Variants in RICTOR observed in about 807,000 individuals in gnomAD.
RICTOR encodes the protein rapamycin-insensitive companion of mTOR.
A neutral mutation model predicts 214.9 loss-of-function variants in RICTOR; 49 were observed. That is an observed-to-expected ratio of 0.23 (90% CI 0.18 to 0.29). The LOEUF is 0.29. Among genes scored for constraint, RICTOR ranks in the 10% least tolerant of loss-of-function variants. RICTOR has a pLI of 1.00. For synonymous variants in RICTOR, 717 were observed against 711.3 expected, an observed-to-expected ratio of 1.01 and a Z score of -0.13; for missense variants, 1,625 against 2,047.0, an observed-to-expected ratio of 0.79 and a Z score of 3.98.
chr5:39,006,172 T>G (rs1233445499), intron 3 of RICTOR, among the ~76,000 whole-genome samples: 1 of 152,232 alleles, frequency 6.6e-6, no homozygotes, highest in African/African-American at 2.4e-5. Context: ...GAAAAAGTTG[T>G]TGAAGCAGCT....
At position 38,953,013 on chromosome 5, in the gene RICTOR, T is replaced by C. The variant is rs1390878115; in HGVS notation, c.2869A>G (p.Lys957Glu). ...NVIPDILKLA[K>E]QCEVLSIRGT... Reference sequence around the variant, plus strand: ...CTGATGGAAAGAACTTCACACTGTTTTGCAAGTTTTAGTATATCTGGAATC... The same window carrying C: ...CTGATGGAAAGAACTTCACACTGTTCTGCAAGTTTTAGTATATCTGGAATC... The change falls in exon 29 of 38, where the codon AAA (lysine) becomes GAA (glutamate). Residue 957 changes from lysine to glutamate, a missense_variant. Transcript: ENST00000357387. 6.2e-7 allele frequency: 1 copy of C among 1,609,318 alleles called. No individual in the cohort carries two copies. The highest frequency in any genetic ancestry group is 1.7e-5 in the Admixed American group (1 of 59,886).
Position 38,942,986 on chromosome 5 carries a change from T to G in RICTOR, c.4914-15A>C. 1 of 1,577,314 alleles carries G rather than the reference T, an allele frequency of 6.3e-7. No individual in the cohort carries two copies. Among genetic ancestry groups the G allele is most frequent in the South Asian group, 1.1e-5 (1 of 90,194 alleles). ...TCTCCTTAATTCTAAAATAAAAGAT[T>G]ATGGTGTGATGAAAACTGTAATCAT... On this transcript the variant is annotated splice_polypyrimidine_tract_variant and intron_variant, in intron 36 of 37. Transcript: ENST00000357387.
At chr5:38,983,664 T>C (rs1751909525) in intron 7 of RICTOR, among the ~76,000 whole-genome samples, 1 of 152,134 alleles carries the variant, frequency 6.6e-6, no homozygotes, top group Admixed American at 6.6e-5. Context: ...AGTTACATAA[T>C]AAGAAATTTG....
In RICTOR at chr5:39,021,118, CTTAAG is replaced by C; in HGVS notation, c.111_115del (p.Asn37LysfsTer24). The C allele has an allele frequency of 1.3e-6, 2 of 1,584,830 alleles. No individual in the cohort carries two copies. Among genetic ancestry groups the C allele is most frequent in the Non-Finnish European group, 1.7e-6 (2 of 1,153,504 alleles). ...TCTGGCCACATTTTGGAGAATCTCT[CTTAAG>C]TTATCAGAAGGTTCTAGAAGGAAAG... On this transcript the variant is annotated frameshift_variant, in exon 3 of 38. Coordinates refer to ENST00000357387, the MANE Select transcript of RICTOR (RefSeq NM_152756.5). LOFTEE classifies it high-confidence loss of function.
chr5:38,998,011 A>C (rs1221151815), intron 5 of RICTOR, among the ~76,000 whole-genome samples: 2 of 152,256 alleles, frequency 1.3e-5, no homozygotes, highest in Admixed American at 6.5e-5. Context: ...AAACAAAGGA[A>C]CAGAGTATAG....
chr5:39,025,764 C>T (rs574604576), intron 2 of RICTOR, among the ~76,000 whole-genome samples: 36 of 152,290 alleles, frequency 2.4e-4, no homozygotes, highest in African/African-American at 8.4e-4. Flanking sequence ...GGGCTTCACC[C>T]TTATGACCTA....
At position 38,967,371 on chromosome 5, in the gene RICTOR, C is replaced by A. The variant is rs1467602741; in HGVS notation, c.1117G>T (p.Ala373Ser). ...RLSDGFVAAE[A>S]KTILPHRARS... Reference sequence around the variant, plus strand: ...GCACGATGAGGAAGAATAGTTTTTGCCTCAGCTGCCACAAAGCCATCTGAA... The same window carrying A: ...GCACGATGAGGAAGAATAGTTTTTGACTCAGCTGCCACAAAGCCATCTGAA... Residue 373 changes from alanine to serine, a missense_variant, in exon 13 of 38, where the codon GCA (alanine) becomes TCA (serine). By Grantham distance (99) the Ala-to-Ser change is moderately conservative. Transcript: ENST00000357387. 1 of 1,613,868 alleles carries A rather than the reference C, an allele frequency of 6.2e-7. No homozygotes were observed. Among genetic ancestry groups the A allele is most frequent in the Non-Finnish European group, 8.5e-7 (1 of 1,179,892 alleles).
chr5:38,996,754 C>A, intron 6 of RICTOR, 65 bp downstream of exon 6: 1 of 967,484 alleles, frequency 1.0e-6, no homozygotes, highest in Non-Finnish European at 1.6e-6. Flanking sequence ...AAAGTCTAAT[C>A]TAAAAATGTA....
At chr5:39,071,256 T>G (rs1443908759) in intron 2 of RICTOR, among the ~76,000 whole-genome samples, 4 of 152,236 alleles carry the variant, frequency 2.6e-5, no homozygotes, top group South Asian at 2.1e-4. Flanking sequence ...TAGACTTAAT[T>G]TATTGGTAAT....
chr5:39,014,807 T>C (rs746313368), intron 3 of RICTOR, among the ~76,000 whole-genome samples: 2 of 152,204 alleles, frequency 1.3e-5, no homozygotes, highest in Non-Finnish European at 2.9e-5. Flanking sequence ...TCCGTTTCTT[T>C]ATACCTTAAA....
chr5:39,019,537 A>G (rs1178323355), intron 3 of RICTOR, among the ~76,000 whole-genome samples: 3 of 152,214 alleles, frequency 2.0e-5, no homozygotes, highest in African/African-American at 7.2e-5. Context: ...ATGACAGCAC[A>G]TCTGTTTACA....
At chr5:38,976,098 TCTTC>T (rs1439369243) in intron 9 of RICTOR, among the ~76,000 whole-genome samples, 5 of 152,350 alleles carry the variant, frequency 3.3e-5, no homozygotes, top group East Asian at 1.9e-4. Context: ...CCAGCTACTT[TCTTC>T]CTTGACAATT....
rs2112854782 is a variant in RICTOR, at chr5:38,950,353, C to A, written c.3495G>T (p.Gly1165=). Residue 1165 remains glycine (G), a synonymous_variant, in exon 31 of 38, where the codon GGG becomes GGT. Transcript: ENST00000357387. The part of the protein sequence containing the change: ...KTLQLETSFM[G]NKHIEDTGST... Reference sequence around the variant, plus strand: ...TACCAGTGTCTTCAATGTGCTTATTCCCCATAAATGAAGTCTCTAATTGTA... The same window carrying A: ...TACCAGTGTCTTCAATGTGCTTATTACCCATAAATGAAGTCTCTAATTGTA... 1.2e-6 allele frequency: 2 copies of A among 1,613,216 alleles called. No homozygotes were observed. Among genetic ancestry groups the A allele is most frequent in the Non-Finnish European group, 1.7e-6 (2 of 1,179,460 alleles).
Position 38,966,705 on chromosome 5 carries a change from A to G in RICTOR, c.1235T>C (p.Ile412Thr). The change falls in exon 15 of 38, where the codon ATA (isoleucine) becomes ACA (threonine). Residue 412 changes from isoleucine (I) to threonine (T), a missense_variant. By Grantham distance (89) the Ile-to-Thr change is moderately conservative (BLOSUM62 -1). Coordinates refer to ENST00000357387, the MANE Select transcript of RICTOR (RefSeq NM_152756.5). ...NGLLEGLVEV[I>T]TNSDDHISVR... Reference sequence around the variant, plus strand: ...TGAGATATGATCATCACTGTTTGTTATCACTTCAACTAGACCCTTTGAAAA... The same window carrying G: ...TGAGATATGATCATCACTGTTTGTTGTCACTTCAACTAGACCCTTTGAAAA... The G allele has an allele frequency of 6.3e-7, 1 of 1,575,608 alleles. No individual in the cohort carries two copies. Among genetic ancestry groups the G allele is most frequent in the Non-Finnish European group, 8.7e-7 (1 of 1,147,814 alleles).
chr5:39,010,941 C>T (rs946049571), intron 3 of RICTOR, among the ~76,000 whole-genome samples: 2 of 152,096 alleles, frequency 1.3e-5, no homozygotes, highest in African/African-American at 2.4e-5. Flanking sequence ...AAAAGAAAAA[C>T]CCATTTTCTG....
At chr5:39,010,202 GA>G (rs1326899822) in intron 3 of RICTOR, among the ~76,000 whole-genome samples, 11 of 152,258 alleles carry the variant, frequency 7.2e-5, no homozygotes, top group African/African-American at 2.6e-4. Context: ...ATGGTTTTAT[GA>G]GAGGCTTCCC....
rs1038887953 is a variant in RICTOR at position 38,968,103 on chromosome 5, A to G, written c.973-73T>C. 28 of 831,322 alleles carry G rather than the reference A, an allele frequency of 3.4e-5. No homozygotes were observed. The African/African-American group carries it at 4.2e-4, about 13-fold the overall frequency. 51.5% of individuals were successfully genotyped at this position (831,322 alleles called of 1,614,324 possible). A position where few individuals can be genotyped will look rare whatever the true frequency, so the allele number is the denominator to read the frequency against. ...TAAGATTTTTAAATGTCCTATTCACATTTTTTAAAATGATAAAAACAGAAC... is the reference window on the plus strand; with the variant it reads ...TAAGATTTTTAAATGTCCTATTCACGTTTTTTAAAATGATAAAAACAGAAC... On this transcript the variant is annotated intron_variant, in intron 11 of 37. Transcript: ENST00000357387.
chr5:38,975,731 A>AT, intron 9 of RICTOR, 127 bp from the exon 10 acceptor site: 1 of 532,496 alleles, frequency 1.9e-6, no homozygotes, highest in Non-Finnish European at 3.2e-6. Flanking sequence ...AAATTAAAAC[A>AT]AGACAAAGAT....
At chr5:38,964,144 A>T (rs1282657818) in intron 16 of RICTOR, among the ~76,000 whole-genome samples, 2 of 151,900 alleles carry the variant, frequency 1.3e-5, no homozygotes, top group African/African-American at 4.8e-5. Flanking sequence ...ATAAAAAAAC[A>T]ACCACAAAAA....
Sources: gnomAD v4.1 joint callset for allele counts (sites outside exome capture counted in the v4.1 genomes callset) on GRCh38, gnomAD v4.1.1 for gene constraint, MANE v1.5 for transcripts, NCBI Gene and HGNC (gene_info 2026-07-23, HGNC 2026-07-21) for gene names.